Variants in AOPEP observed in about 807,000 individuals in gnomAD.
The protein encoded by AOPEP is aminopeptidase O.
Under a neutral mutation model 98.1 loss-of-function variants are expected in AOPEP, and 77 were observed. That is an observed-to-expected ratio of 0.78 (90% CI 0.65 to 0.95). The LOEUF is 0.95. Among genes scored for constraint, AOPEP ranks in the 40% least tolerant of loss-of-function variants. The probability of loss-of-function intolerance (pLI) is 0.00; values close to 1 mark genes in which losing one functional copy is unlikely to be tolerated. For missense variants in AOPEP, 1,024 were observed against 1,024.7 expected (o/e 1.00, Z 0.01); for synonymous variants, 346 against 365.3 (o/e 0.95, Z 0.60).
At chr9:94,985,900 C>A (rs1334798117) in intron 11 of AOPEP, among the ~76,000 whole-genome samples, 2 of 152,192 alleles carry the variant, frequency 1.3e-5, no homozygotes, top group Non-Finnish European at 2.9e-5. Context: ...GCACCTGGCC[C>A]CCTCCATAGG....
intron 13 of AOPEP, among the ~76,000 whole-genome samples, chr9:95,014,518 G>A (rs1028007647): frequency 3.9e-5 from 6 of 152,016 alleles, no homozygotes; most frequent in African/African-American, 1.4e-4. Context: ...CATTTTATGA[G>A]TGTATGGACT....
chr9:94,798,594 A>G (rs1847547608), intron 4 of AOPEP, among the ~76,000 whole-genome samples: 1 of 152,174 alleles, frequency 6.6e-6, no homozygotes, highest in South Asian at 2.1e-4. Flanking sequence ...CCTTTTTGCA[A>G]AATTGTGCTG....
the AOPEP span, among the ~76,000 whole-genome samples, chr9:95,124,355 T>C: frequency 6.6e-6 from 1 of 152,138 alleles, no homozygotes; most frequent in Admixed American, 6.5e-5. Context: ...AGGCCAAATA[T>C]ATATGCTGAA....
At position 94,957,353 on chromosome 9, in the gene AOPEP, G is replaced by A. The variant is rs371542329; in HGVS notation, c.1872+1338G>A. ...CTCCCGAGTAGCTGGGATTACAGGC[G>A]CTTGCCACGACACCCTGCTAATTTT... On this transcript the variant is annotated intron_variant, in intron 9 of 16. Coordinates refer to ENST00000375315, the MANE Select transcript of AOPEP (RefSeq NM_001193329.3). Among the ~76,000 whole-genome samples the A allele has an allele frequency of 9.2e-5, 14 of 152,154 alleles. No individual in the cohort carries two copies. The East Asian group carries it at 2.1e-3, about 23-fold the overall frequency.
chr9:95,023,655 A>G (rs1368857207), intron 13 of AOPEP, among the ~76,000 whole-genome samples: 1 of 152,214 alleles, frequency 6.6e-6, no homozygotes, highest in Middle Eastern at 3.2e-3. Context: ...GAAGAATTCC[A>G]GAAACCTTTC....
At chr9:94,919,485 T>C (rs1450492709) in intron 5 of AOPEP, among the ~76,000 whole-genome samples, 2 of 152,060 alleles carry the variant, frequency 1.3e-5, no homozygotes, top group African/African-American at 4.8e-5. Context: ...ACCCCCCCAC[T>C]TTGGCTTCAG....
chr9:94,853,189 G>A (rs1188150843), intron 5 of AOPEP, among the ~76,000 whole-genome samples: 3 of 152,234 alleles, frequency 2.0e-5, no homozygotes, highest in Admixed American at 1.3e-4. Flanking sequence ...GCTGGGCGCA[G>A]TGGCTAATGC....
At chr9:94,793,001 G>C in intron 4 of AOPEP, 83 bp downstream of exon 4, 1 of 1,401,610 alleles carries the variant, frequency 7.1e-7, no homozygotes. Context: ...CAAGCACTGG[G>C]AATGTGAGTC....
At chr9:94,994,681 G>A (rs2061110537) in intron 11 of AOPEP, among the ~76,000 whole-genome samples, 1 of 152,212 alleles carries the variant, frequency 6.6e-6, no homozygotes, top group African/African-American at 2.4e-5. Context: ...GCTGGGCATG[G>A]TGGCTCATGC....
the AOPEP span, among the ~76,000 whole-genome samples, chr9:95,122,932 A>T: frequency 6.6e-6 from 1 of 152,212 alleles, no homozygotes; most frequent in South Asian, 2.1e-4. Context: ...TCTAGGTGGG[A>T]CCATGGATAG....
chr9:95,087,686 C>T (rs995289869), downstream of AOPEP, among the ~76,000 whole-genome samples: 5 of 152,058 alleles, frequency 3.3e-5, no homozygotes, highest in Non-Finnish European at 5.9e-5. Flanking sequence ...ATTCAGGCAT[C>T]GTGGGAGTCT....
intron 7 of AOPEP, chr9:94,932,059 C>T (rs2055413231): frequency 8.9e-7 from 1 of 1,124,508 alleles, no homozygotes; most frequent in African/African-American, 1.6e-5. Context: ...GATTTAAACC[C>T]AGGGACGGAA....
chr9:95,103,678 G>A, the AOPEP span, among the ~76,000 whole-genome samples: 3 of 152,222 alleles, frequency 2.0e-5, no homozygotes, highest in South Asian at 2.1e-4. Context: ...CATGGATGGC[G>A]TTCTGGGGAA....
chr9:94,774,883 A>G (rs1269542298), intron 3 of AOPEP, among the ~76,000 whole-genome samples: 1 of 152,090 alleles, frequency 6.6e-6, no homozygotes, highest in African/African-American at 2.4e-5. Context: ...GTCTCTCTTT[A>G]ATTGGATTAC....
At chr9:94,774,252 C>T (rs1348210772) in intron 3 of AOPEP, among the ~76,000 whole-genome samples, 2 of 134,542 alleles carry the variant, frequency 1.5e-5, no homozygotes, top group East Asian at 2.2e-4. Context: ...ATGGAGCTTG[C>T]AGTGAGCTGA....
intron 2 of AOPEP, among the ~76,000 whole-genome samples, chr9:94,765,693 G>A (rs902234514): frequency 6.6e-6 from 1 of 151,902 alleles, no homozygotes; most frequent in Non-Finnish European, 1.5e-5. Context: ...TTACCATGTG[G>A]CAGGGTTCTC....
rs183710341 is a variant in AOPEP, at chr9:94,840,894, G to T, written c.1364+39892G>T. Among the ~76,000 whole-genome samples, 323 of 152,012 alleles carry T rather than the reference G, an allele frequency of 2.1e-3. 1 individual carries two copies. The highest frequency in any genetic ancestry group is 5.3e-3 in the Admixed American group (81 of 15,274). ...TTCTCTTTGTTTCTTTGTCCATCTG[G>T]CTAGAGGTTTGTCACTTTTATTGAT... On this transcript the variant is annotated intron_variant, in intron 5 of 16. Coordinates refer to ENST00000375315, the MANE Select transcript of AOPEP (RefSeq NM_001193329.3).
At chr9:94,851,889 T>C (rs945516361) in intron 5 of AOPEP, among the ~76,000 whole-genome samples, 1 of 151,362 alleles carries the variant, frequency 6.6e-6, no homozygotes, top group East Asian at 1.9e-4. Context: ...GCCCAGACAT[T>C]GGTGCTTTAT....
intron 6 of AOPEP, 30 bp from the exon 7 acceptor site, chr9:94,928,395 A>ATGTGTGTC (rs975684800): frequency 4.1e-6 from 6 of 1,474,308 alleles, no homozygotes; most frequent in Admixed American, 2.0e-5. Flanking sequence ...TGTTTTGTGC[A>ATGTGTGTC]TGTGTGTCTG....
Sources: allele counts gnomAD v4.1 joint callset (sites outside exome capture counted in the v4.1 genomes callset), GRCh38; gene constraint gnomAD v4.1.1; transcripts MANE v1.5; gene names NCBI Gene and HGNC (gene_info 2026-07-23, HGNC 2026-07-21).